MIPOL1: variants seen among roughly 807,000 people sequenced by gnomAD.
MIPOL1 encodes mirror-image polydactyly 1.
A neutral mutation model predicts 60.9 loss-of-function variants in MIPOL1; 57 were observed. The ratio of observed to expected loss-of-function variants is 0.94; its 90% confidence interval spans 0.76 to 1.17. MIPOL1 has a LOEUF of 1.17. Ranked by LOEUF, MIPOL1 falls within the 50% of genes most tolerant of loss-of-function variation. The pLI, the probability that MIPOL1 is intolerant of heterozygous loss-of-function variation, is 0.00. For missense variants in MIPOL1, 551 were observed against 511.6 expected, an observed-to-expected ratio of 1.08 and a Z score of -0.74; for synonymous variants, 179 against 168.8, an observed-to-expected ratio of 1.06 and a Z score of -0.47.
intron 11 of MIPOL1, among the ~76,000 whole-genome samples, chr14:37,446,459 C>G (rs1439828586): frequency 1.3e-5 from 2 of 152,082 alleles, no homozygotes; most frequent in Non-Finnish European, 2.9e-5. Flanking sequence ...AATAGGAACA[C>G]TTTTACACTG....
At chr14:37,491,468 G>A (rs990055583) in intron 11 of MIPOL1, among the ~76,000 whole-genome samples, 2 of 152,144 alleles carry the variant, frequency 1.3e-5, no homozygotes, top group Non-Finnish European at 2.9e-5. Flanking sequence ...GGTGAAGGTT[G>A]CAGTGAGCTG....
intron 9 of MIPOL1, among the ~76,000 whole-genome samples, chr14:37,356,137 C>G (rs1356881766): frequency 6.6e-6 from 1 of 151,044 alleles, no homozygotes; most frequent in Non-Finnish European, 1.5e-5. Flanking sequence ...ACAGGACCCT[C>G]AGCTGCAGGT....
intron 11 of MIPOL1, 45 bp from the exon 12 acceptor site, chr14:37,499,863 C>T: frequency 1.0e-6 from 1 of 994,538 alleles, no homozygotes; most frequent in South Asian, 1.9e-5. Flanking sequence ...ATAGATCACT[C>T]AGTTTACATT....
At chr14:37,538,026 C>T (rs573930038) in intron 12 of MIPOL1, among the ~76,000 whole-genome samples, 1 of 152,278 alleles carries the variant, frequency 6.6e-6, no homozygotes, top group Non-Finnish European at 1.5e-5. Flanking sequence ...ATAAGTGCTT[C>T]TGGATGATAC....
chr14:37,309,581 G>A (rs1017795786), intron 9 of MIPOL1, among the ~76,000 whole-genome samples: 4 of 151,786 alleles, frequency 2.6e-5, no homozygotes, highest in African/African-American at 9.7e-5. Flanking sequence ...CTGCTCTGTG[G>A]TCATACTCTG....
intron 9 of MIPOL1, among the ~76,000 whole-genome samples, chr14:37,344,862 C>A (rs1318767921): frequency 6.6e-6 from 1 of 151,914 alleles, no homozygotes; most frequent in Non-Finnish European, 1.5e-5. Flanking sequence ...AAGTCCTCAT[C>A]TCGACAAAAT....
chr14:37,256,514 G>C (rs924424555), intron 3 of MIPOL1, among the ~76,000 whole-genome samples: 1 of 151,846 alleles, frequency 6.6e-6, no homozygotes. Context: ...TTGCAAATTT[G>C]GAGTCACTGA....
At chr14:37,248,545 CAA>C (rs1005226676) in intron 3 of MIPOL1, among the ~76,000 whole-genome samples, 13 of 151,870 alleles carry the variant, frequency 8.6e-5, no homozygotes, top group Admixed American at 4.6e-4. Context: ...TACATACAGA[CAA>C]GAGACACATA....
At chr14:37,444,079 T>G (rs1050000132) in intron 11 of MIPOL1, among the ~76,000 whole-genome samples, 2 of 152,130 alleles carry the variant, frequency 1.3e-5, no homozygotes, top group Admixed American at 1.3e-4. Context: ...CCACTTGAAC[T>G]TTCTGAAGGA....
At chr14:37,491,768 T>C (rs1481881841) in intron 11 of MIPOL1, among the ~76,000 whole-genome samples, 1 of 152,182 alleles carries the variant, frequency 6.6e-6, no homozygotes, top group Non-Finnish European at 1.5e-5. Context: ...AAAGAAATTA[T>C]TTTTTCTCTG....
At chr14:37,449,088 C>T (rs914672044) in intron 11 of MIPOL1, among the ~76,000 whole-genome samples, 3 of 152,120 alleles carry the variant, frequency 2.0e-5, no homozygotes, top group African/African-American at 7.2e-5. Flanking sequence ...CACATTCTTC[C>T]GTCACTTGAG....
At chr14:37,474,090 G>T (rs991185414) in intron 11 of MIPOL1, among the ~76,000 whole-genome samples, 6 of 152,028 alleles carry the variant, frequency 3.9e-5, no homozygotes, top group African/African-American at 1.4e-4. Flanking sequence ...GTATGTTCAT[G>T]GCTCGATAGT....
intron 9 of MIPOL1, among the ~76,000 whole-genome samples, chr14:37,346,439 C>T (rs2090951241): frequency 6.6e-6 from 1 of 152,132 alleles, no homozygotes; most frequent in Non-Finnish European, 1.5e-5. Context: ...GGAAACAACC[C>T]AAATATGCAA....
rs1374877382 is a variant in MIPOL1, at chr14:37,548,540, A to G, written c.*1569A>G. On this transcript the variant is annotated 3_prime_UTR_variant, in exon 13 of 13. Coordinates refer to ENST00000684589, the MANE Select transcript of MIPOL1 (RefSeq NM_001388067.1). ...TGACTCTATAATAGAGAAATATGTA[A>G]TGATTTGGTCATGCATGGAGTCTTG... is the stretch of plus-strand genomic sequence containing the variant. The G allele has an allele frequency of 1.3e-5, 2 of 152,002 alleles. No homozygotes were observed. Among genetic ancestry groups the G allele is most frequent in the Admixed American group, 1.3e-4 (2 of 15,260 alleles). 9.4% of individuals were successfully genotyped at this position (152,002 alleles called of 1,614,324 possible).
At chr14:37,517,533 G>A (rs574904226) in intron 12 of MIPOL1, among the ~76,000 whole-genome samples, 26 of 152,206 alleles carry the variant, frequency 1.7e-4, no homozygotes, top group South Asian at 4.1e-4. Flanking sequence ...TTTGACTAAG[G>A]GAGAATCACT....
At chr14:37,285,577 CTTTT>C in intron 7 of MIPOL1, 130 bp downstream of exon 7, 1 of 862,606 alleles carries the variant, frequency 1.2e-6, no homozygotes, top group Non-Finnish European at 1.7e-6. Flanking sequence ...TGTCTCCAGT[CTTTT>C]TCTTTTTTTC....
At chr14:37,387,644 G>A (rs1349778328) in intron 10 of MIPOL1, among the ~76,000 whole-genome samples, 2 of 151,748 alleles carry the variant, frequency 1.3e-5, no homozygotes, top group African/African-American at 2.4e-5. Context: ...TCACTTTATT[G>A]TATAATATGA....
chr14:37,397,275 C>T (rs2415401), intron 10 of MIPOL1, among the ~76,000 whole-genome samples: 82,564 of 151,304 alleles, frequency 0.55, 24,028 homozygotes, highest in Non-Finnish European at 0.64. Flanking sequence ...CAAGCCTACC[C>T]GGCTCTGGGC....
In MIPOL1 at chr14:37,291,914, ATTT is replaced by A. The variant is rs57230205; in HGVS notation, c.623+6493_623+6495del. Among the ~76,000 whole-genome samples the A allele has an allele frequency of 5.5e-3, 515 of 92,972 alleles. 3 individuals are homozygous for A. Among genetic ancestry groups the A allele is most frequent in the African/African-American group, 0.024 (451 of 18,680 alleles). The allele number at this position is 92,972 out of a possible 152,430, so 61.0% of individuals were successfully genotyped here. ...ACTATTACATATTACAATGGCAATA[ATTT>A]TTTTTTTTTTTTTTTTTTTTTTTTT... On this transcript the variant is annotated intron_variant, in intron 7 of 12. Coordinates refer to ENST00000684589, the MANE Select transcript of MIPOL1 (RefSeq NM_001388067.1).
Sources: gnomAD v4.1 joint callset for allele counts (sites outside exome capture counted in the v4.1 genomes callset) on GRCh38, gnomAD v4.1.1 for gene constraint, MANE v1.5 for transcripts, NCBI Gene and HGNC (gene_info 2026-07-23, HGNC 2026-07-21) for gene names.